BAZ2B: variants seen among roughly 807,000 people sequenced by gnomAD.
BAZ2B encodes bromodomain adjacent to zinc finger domain 2B.
Under a neutral mutation model 246.0 loss-of-function variants are expected in BAZ2B, and 91 were observed. The ratio of observed to expected loss-of-function variants is 0.37; its 90% CI spans 0.31 to 0.44. The LOEUF (loss-of-function observed/expected upper bound fraction) is 0.44, where lower values mean the gene tolerates loss of function less well. Ranked by LOEUF, BAZ2B falls within the 20% of genes least tolerant of loss-of-function variation. The probability of loss-of-function intolerance (pLI) is 1.00; values close to 1 mark genes in which losing one functional copy is unlikely to be tolerated. For missense variants in BAZ2B, 2,332 were observed against 2,533.7 expected, an observed-to-expected ratio of 0.92 and a Z score of 1.71; for synonymous variants, 855 against 860.0, an observed-to-expected ratio of 0.99 and a Z score of 0.10.
rs191237067 is a variant in BAZ2B, at chr2:159,370,640, G to A, written c.4213+2405C>T. On this transcript the variant is annotated intron_variant, in intron 27 of 36. Coordinates refer to ENST00000392783, the MANE Select transcript of BAZ2B (RefSeq NM_013450.4). ...GCCCGTCTCCGCCTCCCAAAGTGCTGGGATTATAGGTGTGAGCCACCGCAC... is the reference window on the plus strand; with the variant it reads ...GCCCGTCTCCGCCTCCCAAAGTGCTAGGATTATAGGTGTGAGCCACCGCAC... 6.4e-3 allele frequency among the ~76,000 whole-genome samples: 970 copies of A among 152,146 alleles called. 7 individuals carry two copies. Among genetic ancestry groups the A allele is most frequent in the Middle Eastern group, 0.017 (5 of 294 alleles).
intron 2 of BAZ2B, among the ~76,000 whole-genome samples, chr2:159,483,560 T>G (rs542199012): frequency 6.6e-6 from 1 of 152,170 alleles, no homozygotes; most frequent in East Asian, 1.9e-4. Flanking sequence ...GCAGATCACT[T>G]GAGTTCAGGA....
chr2:159,531,330 G>A (rs368589611), intron 2 of BAZ2B, among the ~76,000 whole-genome samples: 5 of 151,810 alleles, frequency 3.3e-5, no homozygotes, highest in East Asian at 1.9e-4. Flanking sequence ...AATTTTTTTC[G>A]ATCAATTTTT....
At chr2:159,340,546 T>C (rs1265270189) in intron 31 of BAZ2B, among the ~76,000 whole-genome samples, 2 of 151,920 alleles carry the variant, frequency 1.3e-5, no homozygotes, top group Non-Finnish European at 2.9e-5. Context: ...TCAAGTCACA[T>C]ATAAGGAAAT....
intron 27 of BAZ2B, among the ~76,000 whole-genome samples, chr2:159,352,339 C>G (rs1405468509): frequency 2.0e-5 from 3 of 152,096 alleles, no homozygotes; most frequent in African/African-American, 7.2e-5. Flanking sequence ...ATTAGGACCC[C>G]CCATTCATCT....
intron 2 of BAZ2B, among the ~76,000 whole-genome samples, chr2:159,509,201 A>G (rs374021991): frequency 1.3e-5 from 2 of 152,186 alleles, no homozygotes; most frequent in East Asian, 3.8e-4. Context: ...TATTGGAAAC[A>G]CTTTCCAGTC....
At chr2:159,614,203 G>A (rs1164148809) in intron 1 of BAZ2B, among the ~76,000 whole-genome samples, 1 of 152,162 alleles carries the variant, frequency 6.6e-6, no homozygotes, top group African/African-American at 2.4e-5. Flanking sequence ...GCTTGGTCAT[G>A]TGACCAAACC....
rs765849034 is a variant in BAZ2B at position 159,395,835 on chromosome 2, C to T, written c.3010-1G>A. The T allele has an allele frequency of 1.2e-6, 2 of 1,603,694 alleles. No homozygotes were observed. Among genetic ancestry groups the T allele is most frequent in the Non-Finnish European group, 1.7e-6 (2 of 1,175,826 alleles). The stretch of plus-strand genomic sequence containing the variant: ...TGTGTTGTCGCCTTCGCTCTCGTTC[C>T]TATTAGGCCAGATAAAATGTGGAAA... On this transcript the variant is annotated splice_acceptor_variant, in intron 19 of 36. Transcript: ENST00000392783. LOFTEE classifies it high-confidence loss of function.
intron 3 of BAZ2B, among the ~76,000 whole-genome samples, chr2:159,455,266 G>A (rs1200152329): frequency 2.0e-5 from 3 of 151,976 alleles, no homozygotes; most frequent in Non-Finnish European, 4.4e-5. Context: ...CTTGCTCCCT[G>A]AAAACCAAGG....
chr2:159,674,356 A>AAAAGGAAAAGGAAGGGAAGGG, the BAZ2B span, among the ~76,000 whole-genome samples: 1 of 150,082 alleles, frequency 6.7e-6, no homozygotes, highest in Non-Finnish European at 1.5e-5. Context: ...AAAAAGAAAG[A>AAAAGGAAAAGGAAGGGAAGGG]AAGAAAAGGA....
chr2:159,521,740 C>G (rs564276978), intron 2 of BAZ2B, among the ~76,000 whole-genome samples: 2 of 152,098 alleles, frequency 1.3e-5, no homozygotes, highest in Admixed American at 1.3e-4. Context: ...CTGCTTCTAT[C>G]AGCACTATTA....
In BAZ2B at chr2:159,423,314, T is replaced by TAAACAAACAAACAAACAAAC. The variant is rs60596753; in HGVS notation, c.2466+4626_2466+4627insGTTTGTTTGTTTGTTTGTTT. Reference sequence around the variant, plus strand: ...CTGGGTGACAGAGCAAGACTCTATCTAAACAAACAAACAAACAAAAGAATG... The same window carrying TAAACAAACAAACAAACAAAC: ...CTGGGTGACAGAGCAAGACTCTATCTAAACAAACAAACAAACAAACAAACAAACAAACAAACAAAAGAATG... On this transcript the variant is annotated intron_variant, in intron 13 of 36. Coordinates refer to ENST00000392783, the MANE Select transcript of BAZ2B (RefSeq NM_013450.4). 9.2e-3 allele frequency among the ~76,000 whole-genome samples: 1,395 copies of TAAACAAACAAACAAACAAAC among 151,204 alleles called. 25 individuals are homozygous for TAAACAAACAAACAAACAAAC. The highest frequency in any genetic ancestry group is 0.089 in the East Asian group (458 of 5,120).
chr2:159,505,953 C>T (rs1046740776), intron 2 of BAZ2B, among the ~76,000 whole-genome samples: 6 of 152,160 alleles, frequency 3.9e-5, no homozygotes, highest in Non-Finnish European at 7.4e-5. Flanking sequence ...ACTATCTACC[C>T]GGTGTCCAGA....
intron 1 of BAZ2B, among the ~76,000 whole-genome samples, chr2:159,586,404 AT>A (rs1184651013): frequency 8.5e-5 from 13 of 152,184 alleles, no homozygotes; most frequent in Admixed American, 7.9e-4. Flanking sequence ...TCTACACAGA[AT>A]TCAGAATTTT....
chr2:159,702,805 C>T, the BAZ2B span, among the ~76,000 whole-genome samples: 5 of 152,274 alleles, frequency 3.3e-5, no homozygotes, highest in South Asian at 6.2e-4. Flanking sequence ...CTTTGGGACG[C>T]CGAGGCGGGC....
chr2:159,588,151 C>A (rs1688470401), intron 1 of BAZ2B, among the ~76,000 whole-genome samples: 1 of 150,312 alleles, frequency 6.7e-6, no homozygotes, highest in South Asian at 2.1e-4. Flanking sequence ...TACGATTGTA[C>A]CACTGCACTT....
intron 1 of BAZ2B, among the ~76,000 whole-genome samples, chr2:159,605,795 G>A (rs1255456609): frequency 2.6e-5 from 4 of 152,102 alleles, no homozygotes; most frequent in Non-Finnish European, 5.9e-5. Context: ...TTCTTCCCAG[G>A]CATGCCTTAT....
At chr2:159,569,341 G>T (rs746972389) in intron 1 of BAZ2B, among the ~76,000 whole-genome samples, 3 of 152,076 alleles carry the variant, frequency 2.0e-5, no homozygotes, top group Admixed American at 1.3e-4. Flanking sequence ...GCAATTCAAA[G>T]AATATCAACT....
intron 2 of BAZ2B, chr2:159,516,257 G>C (rs971138080): frequency 1.3e-5 from 2 of 152,068 alleles, no homozygotes; most frequent in African/African-American, 4.8e-5. Context: ...AAAAGACATA[G>C]AGTATAACAT....
rs373780591 is a variant in BAZ2B, at chr2:159,385,385, A to G, written c.3472-16T>C. The stretch of plus-strand genomic sequence containing the variant: ...CTGTTTTAGCCTATAAAAGTTTGGC[A>G]TTTTTATCAGTATTACTCACAACCA... On this transcript the variant is annotated splice_polypyrimidine_tract_variant and intron_variant, in intron 22 of 36. Transcript: ENST00000392783. The G allele has an allele frequency of 3.1e-6, 5 of 1,602,000 alleles. No homozygotes were observed. Among genetic ancestry groups the G allele is most frequent in the Non-Finnish European group, 4.3e-6 (5 of 1,171,162 alleles).
Sources: gnomAD v4.1 joint callset for allele counts (sites outside exome capture counted in the v4.1 genomes callset) on GRCh38, gnomAD v4.1.1 for gene constraint, MANE v1.5 for transcripts, NCBI Gene and HGNC (gene_info 2026-07-23, HGNC 2026-07-21) for gene names.